Variants in ZNF469 observed in about 807,000 individuals in gnomAD.
ZNF469 encodes the protein zinc finger protein 469.
ZNF469 carries 1 observed loss-of-function variant against 1.0 expected under a neutral mutation model. The ratio of observed to expected loss-of-function variants is 1.00; its 90% CI spans 0.35 to 4.73. ZNF469 has a LOEUF of 4.73. Ranked by LOEUF, ZNF469 falls within the 30% of genes most tolerant of loss-of-function variation. ZNF469 has a pLI of 0.16. For synonymous variants in ZNF469, 2,703 were observed against 2,363.4 expected (o/e 1.14, Z -4.17); for missense variants, 6,100 against 5,356.3 (o/e 1.14, Z -4.33).
intron 1 of ZNF469, among the ~76,000 whole-genome samples, chr16:88,388,036 TG>T (rs1904383989): frequency 6.6e-6 from 1 of 152,198 alleles, no homozygotes; most frequent in Non-Finnish European, 1.5e-5. Context: ...CGTTACCAAG[TG>T]GGGTGCACAG....
At chr16:88,194,324 A>T in the ZNF469 span, 1 of 152,176 alleles carries the variant, frequency 6.6e-6, no homozygotes, top group African/African-American at 2.4e-5. Context: ...CTTGTTTTAG[A>T]GAAGGGGGTT....
chr16:88,361,082 C>G, the ZNF469 span, among the ~76,000 whole-genome samples: 4 of 152,134 alleles, frequency 2.6e-5, no homozygotes, highest in Non-Finnish European at 2.9e-5. Context: ...GTGGTCCTAT[C>G]TAGTGGTTAT....
chr16:88,302,486 G>A, the ZNF469 span: 11 of 152,150 alleles, frequency 7.2e-5, no homozygotes, highest in Non-Finnish European at 1.3e-4. Context: ...CCGTTCCTCG[G>A]CTTCTCCATG....
At chr16:88,230,014 C>A in the ZNF469 span, among the ~76,000 whole-genome samples, 5 of 152,192 alleles carry the variant, frequency 3.3e-5, no homozygotes, top group African/African-American at 1.2e-4. Flanking sequence ...CCTTTCTGTC[C>A]GGTCCTCATC....
At chr16:88,338,448 G>A in the ZNF469 span, among the ~76,000 whole-genome samples, 1 of 152,220 alleles carries the variant, frequency 6.6e-6, no homozygotes, top group African/African-American at 2.4e-5. Flanking sequence ...GGTGGCCTCG[G>A]GTGATGCACT....
At chr16:88,340,519 C>T in the ZNF469 span, among the ~76,000 whole-genome samples, 8 of 152,310 alleles carry the variant, frequency 5.3e-5, no homozygotes, top group South Asian at 1.7e-3. Context: ...ATGGGTCAGG[C>T]CCACAAGAAG....
chr16:88,330,730 A>G, the ZNF469 span, among the ~76,000 whole-genome samples: 1 of 152,130 alleles, frequency 6.6e-6, no homozygotes, highest in East Asian at 1.9e-4. Context: ...CCCTCCCATG[A>G]TCTCTCCTGC....
the ZNF469 span, among the ~76,000 whole-genome samples, chr16:88,243,259 C>T: frequency 1.3e-5 from 2 of 152,264 alleles, no homozygotes; most frequent in East Asian, 3.9e-4. Context: ...CTGACAGATC[C>T]GTTCACAGCC....
chr16:88,266,288 G>T, the ZNF469 span, among the ~76,000 whole-genome samples: 1 of 152,240 alleles, frequency 6.6e-6, no homozygotes, highest in Non-Finnish European at 1.5e-5. Flanking sequence ...GCCACTGGGA[G>T]GCCAGGTCCA....
chr16:88,160,208 G>A, the ZNF469 span, among the ~76,000 whole-genome samples: 2 of 152,238 alleles, frequency 1.3e-5, no homozygotes, highest in Non-Finnish European at 1.5e-5. Flanking sequence ...AAGGAGCCAC[G>A]GCTGTCGCTT....
At chr16:88,379,404 C>T (rs150594538), upstream of ZNF469, among the ~76,000 whole-genome samples, 364 of 152,230 alleles carry the variant, frequency 2.4e-3, no homozygotes, top group African/African-American at 8.1e-3. Context: ...CCCTGCAGAG[C>T]ACCCCATCAG....
chr16:88,316,829 GAGCCACTGCACCC>G, the ZNF469 span, among the ~76,000 whole-genome samples: 7,734 of 152,152 alleles, frequency 0.051, 323 homozygotes, highest in East Asian at 0.16. Flanking sequence ...TTACAGGCGT[GAGCCACTGCACCC>G]AGCCTGGGTG....
the ZNF469 span, among the ~76,000 whole-genome samples, chr16:88,323,171 C>T: frequency 2.6e-5 from 4 of 152,158 alleles, no homozygotes; most frequent in East Asian, 1.9e-4. Flanking sequence ...GAGCCAGGCT[C>T]GGTGGCCACC....
At chr16:88,348,599 C>T in the ZNF469 span, among the ~76,000 whole-genome samples, 1 of 152,190 alleles carries the variant, frequency 6.6e-6, no homozygotes, top group Admixed American at 6.5e-5. Flanking sequence ...CAACAGTGTC[C>T]CAGTGGACCG....
the ZNF469 span, among the ~76,000 whole-genome samples, chr16:88,110,883 G>A: frequency 6.6e-6 from 1 of 152,242 alleles, no homozygotes; most frequent in South Asian, 2.1e-4. Flanking sequence ...CTGCAGCCGG[G>A]CTCTGTGGGG....
At chr16:88,272,263 G>A in the ZNF469 span, among the ~76,000 whole-genome samples, 1 of 117,052 alleles carries the variant, frequency 8.5e-6, no homozygotes, top group East Asian at 2.9e-4. Flanking sequence ...GAATGGATAT[G>A]TGGATAGACG....
chr16:88,433,810 G>GC lies in ZNF469; in HGVS notation c.6345dup (p.Ser2116LeufsTer18), dbSNP rs1906371472. On this transcript the variant is annotated frameshift_variant, in exon 3 of 3. Coordinates refer to ENST00000565624, the MANE Select transcript of ZNF469 (RefSeq NM_001367624.2). LOFTEE classifies it low-confidence loss of function (END_TRUNC). ...CTCTGTCGGGGACCTGGCCGCCTGC[G>GC]CCCCCTCACCCACTTCAGCCGCCCA... 1 of 1,549,686 alleles carries GC rather than the reference G, an allele frequency of 6.5e-7. No homozygotes were observed. The highest frequency in any genetic ancestry group is 2.0e-5 in the Admixed American group (1 of 50,988).
chr16:88,238,547 G>A, the ZNF469 span, among the ~76,000 whole-genome samples: 2 of 152,344 alleles, frequency 1.3e-5, no homozygotes, highest in East Asian at 3.9e-4. Context: ...GCCAACTTGA[G>A]GGCTTCCCTT....
the ZNF469 span, among the ~76,000 whole-genome samples, chr16:88,215,383 ATTTTTTTTTTT>A: frequency 1.1e-5 from 1 of 94,188 alleles, no homozygotes; most frequent in Non-Finnish European, 1.9e-5. Flanking sequence ...TTGCCTTTTA[ATTTTTTTTTTT>A]TTTTTTTTTT....
Sources: gnomAD v4.1 joint callset for allele counts (sites outside exome capture counted in the v4.1 genomes callset) on GRCh38, gnomAD v4.1.1 for gene constraint, MANE v1.5 for transcripts, NCBI Gene and HGNC (gene_info 2026-07-23, HGNC 2026-07-21) for gene names.